KIAA1217: variants seen among roughly 807,000 people sequenced by gnomAD.
KIAA1217 encodes the protein sickle tail protein homolog.
In KIAA1217, 88 loss-of-function variants were observed where a neutral mutation model predicts 163.9. The ratio of observed to expected loss-of-function variants is 0.54; its 90% CI spans 0.45 to 0.64. The LOEUF (loss-of-function observed/expected upper bound fraction) is 0.64. KIAA1217 is among the 30% of genes least tolerant of loss of function. KIAA1217 has a pLI of 0.00. For synonymous variants in KIAA1217, 903 were observed against 923.1 expected (o/e 0.98, Z 0.39); for missense variants, 2,372 against 2,475.0 (o/e 0.96, Z 0.88).
rs534612153 is a variant in KIAA1217 at position 24,095,181 on chromosome 10, G to A, written c.-171+87807G>A. On this transcript the variant is annotated intron_variant, in intron 2 of 18. Transcript: ENST00000376462. Reference sequence around the variant, plus strand: ...GAAAGGGAACTCCCTGACCCCTTGCGCTTCCCGAGTAAGGCAATGCCTCGC... The same window carrying A: ...GAAAGGGAACTCCCTGACCCCTTGCACTTCCCGAGTAAGGCAATGCCTCGC... 6.6e-5 allele frequency among the ~76,000 whole-genome samples: 10 copies of A among 152,264 alleles called. No individual in the cohort carries two copies. The South Asian group carries it at 8.3e-4, about 13-fold the overall frequency.
At chr10:24,321,549 G>A (rs760776822) in intron 2 of KIAA1217, among the ~76,000 whole-genome samples, 9 of 151,992 alleles carry the variant, frequency 5.9e-5, no homozygotes, top group Non-Finnish European at 1.2e-4. Flanking sequence ...GAAAAAAAAG[G>A]AGCCAAAGGA....
At chr10:24,072,472 A>C (rs2061221670) in intron 2 of KIAA1217, among the ~76,000 whole-genome samples, 1 of 152,238 alleles carries the variant, frequency 6.6e-6, no homozygotes, top group Admixed American at 6.5e-5. Flanking sequence ...TATTAGGTAA[A>C]CATAAATAAT....
intron 2 of KIAA1217, among the ~76,000 whole-genome samples, chr10:24,356,990 C>T (rs2049194753): frequency 6.6e-6 from 1 of 152,204 alleles, no homozygotes; most frequent in African/African-American, 2.4e-5. Context: ...AGATAAATGC[C>T]TAAGTTACAA....
At chr10:23,992,466 CA>C in intron 1 of KIAA1217, among the ~76,000 whole-genome samples, 1 of 152,184 alleles carries the variant, frequency 6.6e-6, no homozygotes, top group South Asian at 2.1e-4. Context: ...TGGAGGCTGA[CA>C]AAGGCAAAGC....
chr10:24,403,324 T>C (rs2056799776), intron 3 of KIAA1217, among the ~76,000 whole-genome samples: 1 of 152,158 alleles, frequency 6.6e-6, no homozygotes. Flanking sequence ...CTGCAACCTC[T>C]GCCACCCGGG....
intron 2 of KIAA1217, among the ~76,000 whole-genome samples, chr10:24,363,097 G>C (rs1264174932): frequency 1.3e-5 from 2 of 152,074 alleles, no homozygotes; most frequent in Admixed American, 6.6e-5. Flanking sequence ...TTTTCTTTGT[G>C]CCTTGTTATA....
chr10:23,986,191 C>T (rs1845960920), intron 1 of KIAA1217, among the ~76,000 whole-genome samples: 1 of 152,176 alleles, frequency 6.6e-6, no homozygotes, highest in African/African-American at 2.4e-5. Context: ...TAAAACTGTG[C>T]CTCGAGCATA....
At chr10:23,974,548 T>G (rs10764438) in intron 1 of KIAA1217, among the ~76,000 whole-genome samples, 60,423 of 151,856 alleles carry the variant, frequency 0.4, 13,863 homozygotes, top group African/African-American at 0.64. Context: ...TGTAATCCCA[T>G]CATTTTGGGA....
chr10:24,413,435 G>T (rs972810087), intron 3 of KIAA1217, among the ~76,000 whole-genome samples: 4 of 152,144 alleles, frequency 2.6e-5, no homozygotes, highest in Non-Finnish European at 5.9e-5. Flanking sequence ...GCTTCCCAAA[G>T]TGCTAGGATT....
intron 1 of KIAA1217, among the ~76,000 whole-genome samples, chr10:23,951,764 C>T (rs182983939): frequency 5.5e-4 from 84 of 152,228 alleles, no homozygotes; most frequent in Admixed American, 1.2e-3. Flanking sequence ...GTGTCAAATC[C>T]CCTCCGCAAG....
chr10:23,705,675 G>C (rs905544092), intron 1 of KIAA1217, among the ~76,000 whole-genome samples: 5 of 152,126 alleles, frequency 3.3e-5, no homozygotes, highest in Non-Finnish European at 5.9e-5. Context: ...GAAATTGTGA[G>C]TTATTCAACT....
At chr10:23,767,944 A>G (rs1203771656) in intron 1 of KIAA1217, among the ~76,000 whole-genome samples, 2 of 152,156 alleles carry the variant, frequency 1.3e-5, no homozygotes, top group African/African-American at 4.8e-5. Flanking sequence ...TGGGCAGTAC[A>G]CGCTGGGTCT....
chr10:23,898,968 A>C (rs1174316582), intron 1 of KIAA1217, among the ~76,000 whole-genome samples: 4 of 152,102 alleles, frequency 2.6e-5, no homozygotes, highest in Non-Finnish European at 5.9e-5. Flanking sequence ...CATGGGCTAA[A>C]CTGTGTTGAT....
intron 2 of KIAA1217, among the ~76,000 whole-genome samples, chr10:24,325,030 C>G (rs936517759): frequency 6.6e-6 from 1 of 152,060 alleles, no homozygotes; most frequent in East Asian, 1.9e-4. Context: ...CTCAAAGTGC[C>G]GGTCAGTTGC....
At chr10:23,727,630 G>C (rs960766020) in intron 1 of KIAA1217, among the ~76,000 whole-genome samples, 3 of 152,018 alleles carry the variant, frequency 2.0e-5, no homozygotes, top group African/African-American at 7.3e-5. Context: ...TATTTTTAAC[G>C]TTGCTTTTCA....
At chr10:24,100,266 G>T (rs535478615) in intron 2 of KIAA1217, among the ~76,000 whole-genome samples, 1 of 152,152 alleles carries the variant, frequency 6.6e-6, no homozygotes, top group South Asian at 2.1e-4. Context: ...AGCCCAGCAG[G>T]TTGCACATCT....
chr10:24,085,296 T>A (rs529709512), intron 2 of KIAA1217, among the ~76,000 whole-genome samples: 1 of 145,196 alleles, frequency 6.9e-6, no homozygotes, highest in African/African-American at 2.9e-5. Flanking sequence ...ACTGATAACA[T>A]TTGAGGGGTT....
chr10:24,066,210 A>G (rs1387176796), intron 2 of KIAA1217, among the ~76,000 whole-genome samples: 2 of 152,226 alleles, frequency 1.3e-5, no homozygotes, highest in African/African-American at 4.8e-5. Flanking sequence ...TATTTTGCTC[A>G]TTAGTTGATG....
At chr10:23,942,193 T>C (rs757586193) in intron 1 of KIAA1217, among the ~76,000 whole-genome samples, 2 of 152,068 alleles carry the variant, frequency 1.3e-5, no homozygotes, top group African/African-American at 4.8e-5. Flanking sequence ...TGACCAAGAA[T>C]GAAGATAAAA....
Sources: gnomAD v4.1 joint callset for allele counts (sites outside exome capture counted in the v4.1 genomes callset) on GRCh38, gnomAD v4.1.1 for gene constraint, MANE v1.5 for transcripts, NCBI Gene and HGNC (gene_info 2026-07-23, HGNC 2026-07-21) for gene names.